SMU1: variants seen among roughly 807,000 people sequenced by gnomAD.
SMU1 encodes the protein WD40 repeat-containing protein SMU1.
Under a neutral mutation model 62.0 loss-of-function variants are expected in SMU1, and 2 were observed. That is an observed-to-expected ratio of 0.03 (90% CI 0.01 to 0.10). The LOEUF is 0.10. Among genes scored for constraint, SMU1 ranks in the 10% least tolerant of loss-of-function variants. The pLI is 1.00. For missense variants in SMU1, 227 were observed against 622.1 expected (o/e 0.36, Z 6.76); for synonymous variants, 188 against 212.4 (o/e 0.89, Z 1.00).
Position 33,060,471 on chromosome 9 carries a change from G to T in SMU1, c.744C>A (p.Ile248=), listed in dbSNP as rs755153973. Residue 248 remains isoleucine (I), a synonymous_variant, in exon 6 of 12, where the codon ATC becomes ATA. Transcript: ENST00000397149. ...IEVWNFTTGK[I]RKDLKYQAQD... is the part of the protein sequence containing the mutation. ...CACATTTAAAATACTTTACCTTTCT[G>T]ATTTTTCCAGTAGTAAAGTTCCATA... is the stretch of plus-strand genomic sequence containing the variant. 1 of 1,597,284 alleles carries T rather than the reference G, an allele frequency of 6.3e-7. No individual in the cohort carries two copies. Among genetic ancestry groups the T allele is most frequent in the Non-Finnish European group, 8.5e-7 (1 of 1,176,430 alleles).
rs376836595 is a variant in SMU1, at chr9:33,071,560, A to G, written c.390+180T>C. Reference sequence around the variant, plus strand: ...TCAAATAATCAGAAAACTGAACAAAATTATTCTCTTTAACATACGCAAATT... The same window carrying G: ...TCAAATAATCAGAAAACTGAACAAAGTTATTCTCTTTAACATACGCAAATT... On this transcript the variant is annotated intron_variant, in intron 3 of 11. Coordinates refer to ENST00000397149, the MANE Select transcript of SMU1 (RefSeq NM_018225.3). Among the ~76,000 whole-genome samples, 14 of 152,272 alleles carry G rather than the reference A, an allele frequency of 9.2e-5. No individual in the cohort carries two copies. In the East Asian group the frequency reaches 2.5e-3, roughly 27 times the overall value.
intron 10 of SMU1, 99 bp from the exon 11 acceptor site, chr9:33,048,357 C>T: frequency 6.9e-7 from 1 of 1,449,742 alleles, no homozygotes; most frequent in Non-Finnish European, 9.4e-7. Flanking sequence ...TTATTTTGCA[C>T]TTTGGTTTAC....
intron 4 of SMU1, among the ~76,000 whole-genome samples, 170 bp from the exon 5 acceptor site, chr9:33,062,347 G>A (rs571764576): frequency 6.6e-6 from 1 of 152,140 alleles, no homozygotes; most frequent in Non-Finnish European, 1.5e-5. Context: ...TCCCCTGTGT[G>A]TCCAAGAACA....
At chr9:33,070,940 A>C in intron 3 of SMU1, among the ~76,000 whole-genome samples, 1 of 152,302 alleles carries the variant, frequency 6.6e-6, no homozygotes, top group East Asian at 1.9e-4. Flanking sequence ...ATAAAGAATA[A>C]ATAAGAAATA....
At chr9:33,064,009 T>G (rs977953472) in intron 4 of SMU1, among the ~76,000 whole-genome samples, 14 of 152,224 alleles carry the variant, frequency 9.2e-5, no homozygotes, top group African/African-American at 3.4e-4. Context: ...ATTTGCTCAC[T>G]TATCTATCAT....
chr9:33,075,892 C>A (rs1270220869), intron 1 of SMU1, among the ~76,000 whole-genome samples: 1 of 152,134 alleles, frequency 6.6e-6, no homozygotes, highest in Non-Finnish European at 1.5e-5. Flanking sequence ...ATTCTCATCC[C>A]CTATTCCTTG....
At chr9:33,075,228 T>A (rs1334776253) in intron 1 of SMU1, among the ~76,000 whole-genome samples, 2 of 152,116 alleles carry the variant, frequency 1.3e-5, no homozygotes, top group African/African-American at 2.4e-5. Flanking sequence ...TACAAAAAAA[T>A]TAGCCGGGCA....
chr9:33,060,433 C>T (rs769035695), intron 6 of SMU1, 32 bp downstream of exon 6: 4 of 1,570,064 alleles, frequency 2.5e-6, no homozygotes, highest in Middle Eastern at 2.3e-4. Context: ...AATTTTTCCA[C>T]TAGGAAGGTT....
At chr9:33,055,159 T>A (rs956433748) in intron 9 of SMU1, among the ~76,000 whole-genome samples, 31 of 149,592 alleles carry the variant, frequency 2.1e-4, no homozygotes, top group African/African-American at 7.3e-4. Flanking sequence ...CTGACATATA[T>A]ACATATATAT....
intron 8 of SMU1, 98 bp from the exon 9 acceptor site, chr9:33,056,337 T>C: frequency 4.0e-6 from 5 of 1,238,248 alleles, no homozygotes; most frequent in Admixed American, 2.5e-5. Context: ...CAGAAGCTCA[T>C]GTTATAATAT....
intron 3 of SMU1, among the ~76,000 whole-genome samples, chr9:33,070,309 A>T (rs750253907): frequency 6.6e-6 from 1 of 152,236 alleles, no homozygotes; most frequent in Non-Finnish European, 1.5e-5. Context: ...CATTAGAGAA[A>T]TGCAAATCAA....
chr9:33,055,883 A>G (rs557507668), intron 9 of SMU1, among the ~76,000 whole-genome samples: 1 of 152,304 alleles, frequency 6.6e-6, no homozygotes, highest in South Asian at 2.1e-4. Flanking sequence ...CTCTTTTCCT[A>G]CACATGATAA....
At chr9:33,053,841 CA>C (rs1313755513) in intron 9 of SMU1, among the ~76,000 whole-genome samples, 13 of 152,354 alleles carry the variant, frequency 8.5e-5, no homozygotes, top group Middle Eastern at 3.4e-3. Context: ...GCCAAAGTCA[CA>C]AACTAAAACT....
chr9:33,052,309 CTA>C (rs907758733), intron 10 of SMU1, among the ~76,000 whole-genome samples: 1 of 150,252 alleles, frequency 6.7e-6, no homozygotes, highest in Non-Finnish European at 1.5e-5. Context: ...TTTTGCAACT[CTA>C]TGTGAATCTA....
intron 6 of SMU1, among the ~76,000 whole-genome samples, chr9:33,059,395 TTG>T (rs1554680995): frequency 6.6e-6 from 1 of 150,916 alleles, no homozygotes; most frequent in Admixed American, 6.6e-5. Context: ...GAGTAACTTT[TTG>T]TTTTTTTGAA....
intron 5 of SMU1, among the ~76,000 whole-genome samples, chr9:33,061,326 G>A (rs1839358954): frequency 6.6e-6 from 1 of 152,166 alleles, no homozygotes; most frequent in Admixed American, 6.5e-5. Context: ...CAAGGTTTCA[G>A]GCAGAGTAAA....
intron 7 of SMU1, 78 bp downstream of exon 7, chr9:33,057,520 A>C (rs1839315779): frequency 8.5e-6 from 13 of 1,530,244 alleles, no homozygotes; most frequent in African/African-American, 2.7e-5. Context: ...ATTATGCTGA[A>C]TATCATATGT....
At chr9:33,067,935 T>C (rs1189056103) in intron 4 of SMU1, among the ~76,000 whole-genome samples, 1 of 152,228 alleles carries the variant, frequency 6.6e-6, no homozygotes, top group Admixed American at 6.5e-5. Context: ...TTGTTATTTA[T>C]AATATATCTA....
Position 33,050,732 on chromosome 9 carries a change from A to T in SMU1, c.1290+2391T>A, listed in dbSNP as rs565179361. Among the ~76,000 whole-genome samples, 19 of 152,044 alleles carry T rather than the reference A, an allele frequency of 1.2e-4. No individual in the cohort carries two copies. The East Asian group carries it at 3.7e-3, about 29-fold the overall frequency. ...TCCCAGCTACTCGGGAGGCTGAGGC[A>T]GGAGAATCGCTCGAACCCGGGGGCC... is the stretch of plus-strand genomic sequence containing the variant. On this transcript the variant is annotated intron_variant, in intron 10 of 11. Coordinates refer to ENST00000397149, the MANE Select transcript of SMU1 (RefSeq NM_018225.3).
Sources: allele counts gnomAD v4.1 joint callset (sites outside exome capture counted in the v4.1 genomes callset), GRCh38; gene constraint gnomAD v4.1.1; transcripts MANE v1.5; gene names NCBI Gene and HGNC (gene_info 2026-07-23, HGNC 2026-07-21).